GAPDH: variants seen among roughly 807,000 people sequenced by gnomAD.
The protein encoded by GAPDH is OCAS, p38 component.
Under a neutral mutation model 31.2 loss-of-function variants are expected in GAPDH, and 13 were observed. The ratio of observed to expected loss-of-function variants is 0.42; its 90% CI spans 0.27 to 0.66. The LOEUF is 0.66. Ranked by LOEUF, GAPDH falls within the 30% of genes least tolerant of loss-of-function variation. GAPDH has a pLI of 0.26. For synonymous variants in GAPDH, 211 were observed against 166.9 expected, an observed-to-expected ratio of 1.26 and a Z score of -2.04; for missense variants, 300 against 443.7, an observed-to-expected ratio of 0.68 and a Z score of 2.91.
Position 6,537,102 on chromosome 12 carries a change from C to G in GAPDH, c.329C>G (p.Ala110Gly), listed in dbSNP as rs1303029482. ...TAACTGTCTGCTTCTCTGCTGTAGG[C>G]TCATTTGCAGGGGGGAGCCAAAAGG... Reference protein sequence around the residue: ...GVFTTMEKAGAHLQGGAKRVI... With the variant: ...GVFTTMEKAGGHLQGGAKRVI... Residue 110 changes from alanine (A) to glycine (G), a missense_variant and splice_region_variant, in exon 6 of 9, where the codon GCT (alanine) becomes GGT (glycine). Physicochemically the swap from Ala to Gly is moderately conservative, Grantham distance 60. Coordinates refer to ENST00000229239, the MANE Select transcript of GAPDH (RefSeq NM_002046.7). This position sits in a 1 kb window ranked among gnomAD's most constrained non-coding sequence, Gnocchi z 4.9. 6.2e-7 allele frequency: 1 copy of G among 1,613,336 alleles called. No individual in the cohort carries two copies. Among genetic ancestry groups the G allele is most frequent in the Non-Finnish European group, 8.5e-7 (1 of 1,179,518 alleles).
chr12:6,536,536 C>G lies in GAPDH; in HGVS notation c.72C>G (p.Asn24Lys), dbSNP rs1391969599. Residue 24 changes from asparagine to lysine, a missense_variant, in exon 3 of 9, where the codon AAC becomes AAG. Coordinates refer to ENST00000229239, the MANE Select transcript of GAPDH (RefSeq NM_002046.7). ...IGRLVTRAAF[N>K]SGKVDIVAIN... The stretch of plus-strand genomic sequence containing the variant: ...GCCTGGTCACCAGGGCTGCTTTTAA[C>G]TCTGGTAAAGTGGATATTGTTGCCA... 1 of 1,613,720 alleles carries G rather than the reference C, an allele frequency of 6.2e-7. No homozygotes were observed. Among genetic ancestry groups the G allele is most frequent in the Non-Finnish European group, 8.5e-7 (1 of 1,179,984 alleles).
chr12:6,534,749 A>C, intron 1 of GAPDH, 61 bp from the exon 2 acceptor site: 1 of 1,394,738 alleles, frequency 7.2e-7, no homozygotes, highest in Non-Finnish European at 1.0e-6. Flanking sequence ...GGGGGAGGGG[A>C]GGGGAGGCGT....
chr12:6,535,470 G>C, intron 2 of GAPDH: 1 of 986,206 alleles, frequency 1.0e-6, no homozygotes, highest in Non-Finnish European at 1.2e-6. Context: ...TTATTCTCTG[G>C]TAAATCAAAG....
At chr12:6,534,685 TGCAGGGGCGG>T in intron 1 of GAPDH, 115 bp from the exon 2 acceptor site, 1 of 883,864 alleles carries the variant, frequency 1.1e-6, no homozygotes, top group Non-Finnish European at 1.8e-6. Flanking sequence ...GCCTCCGCAT[TGCAGGGGCGG>T]GCGGAGGACG....
chr12:6,537,102 C>T lies in GAPDH; in HGVS notation c.329C>T (p.Ala110Val). The change falls in exon 6 of 9, where the codon GCT becomes GTT. Residue 110 changes from alanine (A) to valine (V), a missense_variant and splice_region_variant. Ala to Val is a moderately conservative substitution (Grantham distance 64). Coordinates refer to ENST00000229239, the MANE Select transcript of GAPDH (RefSeq NM_002046.7). This position sits in a 1 kb window ranked among gnomAD's most constrained non-coding sequence, Gnocchi z 4.9. ...TAACTGTCTGCTTCTCTGCTGTAGGCTCATTTGCAGGGGGGAGCCAAAAGG... is the reference window on the plus strand; with the variant it reads ...TAACTGTCTGCTTCTCTGCTGTAGGTTCATTTGCAGGGGGGAGCCAAAAGG... ...GVFTTMEKAG[A>V]HLQGGAKRVI... 1 of 1,613,454 alleles carries T rather than the reference C, an allele frequency of 6.2e-7. No individual in the cohort carries two copies. Among genetic ancestry groups the T allele is most frequent in the South Asian group, 1.1e-5 (1 of 91,078 alleles).
chr12:6,538,049 C>T, intron 8 of GAPDH, 52 bp from the exon 9 acceptor site: 3 of 1,597,494 alleles, frequency 1.9e-6, no homozygotes, highest in Non-Finnish European at 2.5e-6. Flanking sequence ...GTCTGGCGCC[C>T]TCTGGTGGCT....
At chr12:6,535,486 G>A (rs1258175995) in intron 2 of GAPDH, 1 of 976,110 alleles carries the variant, frequency 1.0e-6, no homozygotes, top group Admixed American at 6.1e-5. Context: ...CAAAGAAGTG[G>A]GTTTATGGAG....
At chr12:6,535,131 A>C in intron 2 of GAPDH, 2 of 926,564 alleles carry the variant, frequency 2.2e-6, no homozygotes, top group Non-Finnish European at 2.9e-6. Flanking sequence ...CGAGATCCCG[A>C]CCCGGACCCC....
intron 2 of GAPDH, 140 bp downstream of exon 2, chr12:6,535,001 C>G (rs1307304941): frequency 3.0e-6 from 3 of 1,002,816 alleles, no homozygotes; most frequent in Admixed American, 5.1e-5. Flanking sequence ...GGTCAGCGCT[C>G]GGACCTGGCG....
Position 6,535,313 on chromosome 12 carries a change from A to G in GAPDH, c.29+452A>G, listed in dbSNP as rs766668880. 3.8e-5 allele frequency: 38 copies of G among 999,752 alleles called. No homozygotes were observed. In the East Asian group the frequency reaches 1.1e-3, roughly 28 times the overall value. The allele number at this position is 999,752 out of a possible 1,614,324, so 61.9% of individuals were successfully genotyped here. A position where few individuals can be genotyped will look rare whatever the true frequency, so the allele number is the denominator to read the frequency against. The stretch of plus-strand genomic sequence containing the variant: ...AGCGGCCGCCATGTTGCAACCGGGA[A>G]GGAAATGAATGGGCAGCCGTTAGGA... On this transcript the variant is annotated intron_variant, in intron 2 of 8. Transcript: ENST00000229239.
At position 6,538,237 on chromosome 12, in the gene GAPDH, C is replaced by G; in HGVS notation, c.*67C>G. ...AGAGAGACCCTCACTGCTGGGGAGT[C>G]CCTGCCACACTCAGTCCCCCACCAC... On this transcript the variant is annotated 3_prime_UTR_variant, in exon 9 of 9. Transcript: ENST00000229239. The G allele has an allele frequency of 7.9e-7, 1 of 1,265,636 alleles. No individual in the cohort carries two copies. The highest frequency in any genetic ancestry group is 1.1e-6 in the Non-Finnish European group (1 of 878,628). 78.4% of individuals were successfully genotyped at this position (1,265,636 alleles called of 1,614,324 possible).
rs1946468674 is a variant in GAPDH, at chr12:6,536,483, T to G, written c.30-11T>G. On this transcript the variant is annotated splice_polypyrimidine_tract_variant and intron_variant, in intron 2 of 8. Coordinates refer to ENST00000229239, the MANE Select transcript of GAPDH (RefSeq NM_002046.7). Reference sequence around the variant, plus strand: ...TCCCCTCCTCATGCCTTCTTGCCTCTTGTCTCTTAGATTTGGTCGTATTGG... The same window carrying G: ...TCCCCTCCTCATGCCTTCTTGCCTCGTGTCTCTTAGATTTGGTCGTATTGG... The G allele has an allele frequency of 6.2e-7, 1 of 1,606,638 alleles. No individual in the cohort carries two copies. Among genetic ancestry groups the G allele is most frequent in the Non-Finnish European group, 8.5e-7 (1 of 1,174,010 alleles).
chr12:6,536,099 TTGA>T (rs751872982), intron 2 of GAPDH, among the ~76,000 whole-genome samples: 8 of 152,182 alleles, frequency 5.3e-5, no homozygotes, highest in Non-Finnish European at 1.2e-4. Flanking sequence ...CCCTTTGAGT[TTGA>T]TGATGCTGAG....
chr12:6,534,622 A>AG, intron 1 of GAPDH, 53 bp downstream of exon 1: 1 of 598,140 alleles, frequency 1.7e-6, no homozygotes, highest in Non-Finnish European at 2.9e-6. Context: ...TGAAGGCGGC[A>AG]GGGGCGGGCG....
chr12:6,537,246 G>A lies in GAPDH; in HGVS notation c.443+30G>A, dbSNP rs1946494020. The A allele has an allele frequency of 1.3e-6, 2 of 1,597,090 alleles. No homozygotes were observed. Among genetic ancestry groups the A allele is most frequent in the Non-Finnish European group, 8.5e-7 (1 of 1,176,206 alleles). On this transcript the variant is annotated intron_variant, in intron 6 of 8. Transcript: ENST00000229239. This position sits in a 1 kb window ranked among gnomAD's most constrained non-coding sequence, Gnocchi z 4.9. Reference sequence around the variant, plus strand: ...GGAAGGCAGGGCCCGTGGAGAAGCGGCCAGCCTGGCACCCTATGGACACGC... The same window carrying A: ...GGAAGGCAGGGCCCGTGGAGAAGCGACCAGCCTGGCACCCTATGGACACGC...
In GAPDH at chr12:6,537,832, C is replaced by A. The variant is rs1251754823; in HGVS notation, c.774C>A (p.Ile258=). Reference sequence around the variant, plus strand: ...AAAAACCTGCCAAATATGATGACATCAAGAAGGTGGTGAAGCAGGCGTCGG... The same window carrying A: ...AAAAACCTGCCAAATATGATGACATAAAGAAGGTGGTGAAGCAGGCGTCGG... ...RLEKPAKYDD[I]KKVVKQASEG... Residue 258 remains isoleucine, a synonymous_variant, in exon 8 of 9, where the codon ATC becomes ATA. Transcript: ENST00000229239. This position sits in a 1 kb window ranked among gnomAD's most constrained non-coding sequence, Gnocchi z 4.9. 24 of 1,612,212 alleles carry A rather than the reference C, an allele frequency of 1.5e-5. No individual in the cohort carries two copies. The highest frequency in any genetic ancestry group is 2.7e-5 in the African/African-American group (2 of 74,854).
chr12:6,535,685 C>G (rs1946448099), intron 2 of GAPDH, among the ~76,000 whole-genome samples: 1 of 152,160 alleles, frequency 6.6e-6, no homozygotes, highest in Admixed American at 6.5e-5. Flanking sequence ...AGCGTTGACC[C>G]GACCCCAAAG....
rs1405323857 is a variant in GAPDH at position 6,537,113 on chromosome 12, G to A, written c.340G>A (p.Gly114Arg). Residue 114 changes from glycine (G) to arginine (R), a missense_variant, in exon 6 of 9, where the codon GGG (glycine) becomes AGG (arginine). Coordinates refer to ENST00000229239, the MANE Select transcript of GAPDH (RefSeq NM_002046.7). This position sits in a 1 kb window ranked among gnomAD's most constrained non-coding sequence, Gnocchi z 4.9. ...TMEKAGAHLQ[G>R]GAKRVIISAP... ...TTCTCTGCTGTAGGCTCATTTGCAG[G>A]GGGGAGCCAAAAGGGTCATCATCTC... The A allele has an allele frequency of 6.2e-7, 1 of 1,613,786 alleles. No individual in the cohort carries two copies. Among genetic ancestry groups the A allele is most frequent in the Non-Finnish European group, 8.5e-7 (1 of 1,179,832 alleles).
intron 4 of GAPDH, 21 bp from the exon 5 acceptor site, chr12:6,536,893 GTCCCCA>G: frequency 6.3e-7 from 1 of 1,599,226 alleles, no homozygotes; most frequent in Non-Finnish European, 8.6e-7. Context: ...ATATGGTCCT[GTCCCCA>G]TCTCCCCCCC....
Sources: gnomAD v4.1 joint callset for allele counts (sites outside exome capture counted in the v4.1 genomes callset) on GRCh38, gnomAD v4.1.1 for gene constraint, Gnocchi (gnomAD v3.1) non-coding constraint, MANE v1.5 for transcripts, NCBI Gene and HGNC (gene_info 2026-07-23, HGNC 2026-07-21) for gene names.